The following CASK variants were observed in gnomAD, a reference collection of about 807,000 sequenced individuals.
The protein encoded by CASK is calcium/calmodulin dependent serine protein kinase.
In CASK, 4 loss-of-function variants were observed where a neutral mutation model predicts 82.9. The observed-to-expected ratio is 0.05, with a 90% CI of 0.02 to 0.11. The LOEUF is 0.11. Ranked by LOEUF, CASK falls within the 10% of genes least tolerant of loss-of-function variation. The pLI is 1.00. For missense variants in CASK, 358 were observed against 720.9 expected (o/e 0.50, Z 5.76); for synonymous variants, 259 against 253.5 (o/e 1.02, Z -0.20).
chrX:41,814,862 G>T (rs142188272), intron 2 of CASK, among the ~76,000 whole-genome samples: 1 of 112,049 alleles, frequency 8.9e-6, no homozygotes, highest in South Asian at 3.7e-4. Context: ...TAAGATGTAT[G>T]AAACAAATAT....
intron 1 of CASK, among the ~76,000 whole-genome samples, chrX:41,865,258 C>T (rs1289490050): frequency 8.9e-6 from 1 of 111,789 alleles, no homozygotes; most frequent in Non-Finnish European, 1.9e-5. Context: ...TCAGATCCCC[C>T]AAAACATCTG....
intron 1 of CASK, among the ~76,000 whole-genome samples, chrX:41,858,395 G>C (rs1045444220): frequency 8.9e-6 from 1 of 112,361 alleles, no homozygotes; most frequent in Non-Finnish European, 1.9e-5. Context: ...TAGACTAGCA[G>C]AGGACTCTTA....
rs376232002 is a variant in CASK at position 41,589,498 on chromosome X, T to G, written c.1233+17A>C. Reference sequence around the variant, plus strand: ...AATATGATGATGCCAAATACTTCTATAAAATATATCACTTACCTCTTTGGC... The same window carrying G: ...AATATGATGATGCCAAATACTTCTAGAAAATATATCACTTACCTCTTTGGC... On this transcript the variant is annotated intron_variant, in intron 13 of 26. Transcript: ENST00000378163. The G allele has an allele frequency of 1.5e-4, 172 of 1,134,646 alleles. No individual in the cohort carries two copies. The highest frequency in any genetic ancestry group is 2.1e-4 in the Non-Finnish European group (170 of 827,097). 93.5% of individuals were successfully genotyped at this position (1,134,646 alleles called of 1,213,427 possible). A position where few individuals can be genotyped will look rare whatever the true frequency, so the allele number is the denominator to read the frequency against.
chrX:41,710,081 TTGTG>T (rs57963407), intron 5 of CASK, among the ~76,000 whole-genome samples: 863 of 72,121 alleles, frequency 0.012, 8 homozygotes, highest in East Asian at 0.041. Context: ...GGTATAGATT[TTGTG>T]TGTGTGTGTG....
At chrX:41,602,924 G>A (rs188675286) in intron 12 of CASK, among the ~76,000 whole-genome samples, 3 of 111,243 alleles carry the variant, frequency 2.7e-5, no homozygotes, top group Non-Finnish European at 5.7e-5. Flanking sequence ...GAAAACAGTG[G>A]AGAGACACTC....
At chrX:41,708,730 G>A (rs1265599567) in intron 5 of CASK, among the ~76,000 whole-genome samples, 2 of 112,112 alleles carry the variant, frequency 1.8e-5, no homozygotes, top group South Asian at 3.7e-4. Context: ...CAGTTTATGC[G>A]TCAGCAAAAG....
intron 1 of CASK, among the ~76,000 whole-genome samples, chrX:41,871,810 C>A (rs1018538663): frequency 8.9e-6 from 1 of 111,850 alleles, no homozygotes; most frequent in Non-Finnish European, 1.9e-5. Context: ...GATACATAGA[C>A]CTTGGGGTTT....
chrX:41,897,393 G>T (rs1479281539), intron 1 of CASK, among the ~76,000 whole-genome samples: 1 of 111,754 alleles, frequency 8.9e-6, no homozygotes, highest in Non-Finnish European at 1.9e-5. Context: ...TTCTGTTAAT[G>T]TGATTTATCA....
intron 5 of CASK, chrX:41,675,918 T>C (rs1190443171): frequency 8.3e-7 from 1 of 1,206,147 alleles, no homozygotes; most frequent in African/African-American, 1.7e-5. Context: ...AAAGCTGTCT[T>C]TGCAAGAGAG....
intron 5 of CASK, among the ~76,000 whole-genome samples, chrX:41,715,490 T>G (rs1295019595): frequency 9.1e-6 from 1 of 110,245 alleles, no homozygotes; most frequent in Non-Finnish European, 1.9e-5. Context: ...GGCATGGTGG[T>G]GCGCACCTGT....
intron 8 of CASK, among the ~76,000 whole-genome samples, chrX:41,644,198 G>A (rs1230375988): frequency 1.8e-5 from 2 of 111,783 alleles, no homozygotes; most frequent in African/African-American, 6.5e-5. Flanking sequence ...GAGGATTTTT[G>A]CATTGATGTT....
chrX:41,896,767 C>T (rs1315065268), intron 1 of CASK, among the ~76,000 whole-genome samples: 2 of 111,925 alleles, frequency 1.8e-5, no homozygotes, highest in Admixed American at 1.9e-4. Context: ...ACCTCAAGCA[C>T]TTATCATTTC....
intron 8 of CASK, among the ~76,000 whole-genome samples, chrX:41,656,688 C>T (rs752910129): frequency 1.2e-4 from 13 of 111,087 alleles, no homozygotes; most frequent in African/African-American, 4.2e-4. Flanking sequence ...AAAGGAGTGT[C>T]CCCACTAGAT....
rs371024294 is a variant in CASK, at chrX:41,747,579, C to T, written c.279-1978G>A. 2.1e-4 allele frequency among the ~76,000 whole-genome samples: 23 copies of T among 111,635 alleles called. No homozygotes were observed. The East Asian group carries it at 5.4e-3, about 26-fold the overall frequency. On this transcript the variant is annotated intron_variant, in intron 3 of 26. Coordinates refer to ENST00000378163, the MANE Select transcript of CASK (RefSeq NM_001367721.1). ...CCAGCCTCCCAAGTAGCTGGCACTA[C>T]AGGCGCCCGCCACCACGCCCGGCTA...
intron 14 of CASK, among the ~76,000 whole-genome samples, chrX:41,580,408 T>C (rs2065556925): frequency 1.8e-5 from 2 of 111,330 alleles, no homozygotes; most frequent in African/African-American, 6.5e-5. Flanking sequence ...CTTGAACTCC[T>C]GAGCTCATGC....
intron 1 of CASK, among the ~76,000 whole-genome samples, chrX:41,921,388 A>G (rs1422537263): frequency 8.9e-6 from 1 of 112,244 alleles, no homozygotes; most frequent in Non-Finnish European, 1.9e-5. Flanking sequence ...ATATTTTTTC[A>G]TATTGATTAC....
chrX:41,751,370 A>G (rs777491469), intron 3 of CASK, among the ~76,000 whole-genome samples: 2 of 111,923 alleles, frequency 1.8e-5, no homozygotes, highest in South Asian at 7.4e-4. Context: ...CTGGGATTAC[A>G]GGTATGAGCC....
intron 12 of CASK, among the ~76,000 whole-genome samples, 154 bp downstream of exon 12, chrX:41,609,750 C>T (rs1046714306): frequency 3.7e-5 from 4 of 109,114 alleles, no homozygotes; most frequent in African/African-American, 6.7e-5. Flanking sequence ...GTAGAGACCA[C>T]GTTTCACCAT....
chrX:41,896,096 CTT>C (rs1333558806), intron 1 of CASK, among the ~76,000 whole-genome samples: 1 of 111,493 alleles, frequency 9.0e-6, no homozygotes, highest in Non-Finnish European at 1.9e-5. Context: ...TTAAATAAGT[CTT>C]TGCAGCCAAT....
Sources: gnomAD v4.1 joint callset for allele counts (sites outside exome capture counted in the v4.1 genomes callset) on GRCh38, gnomAD v4.1.1 for gene constraint, MANE v1.5 for transcripts, NCBI Gene and HGNC (gene_info 2026-07-23, HGNC 2026-07-21) for gene names.